Variants in PDGFRA observed in about 807,000 individuals in gnomAD.
PDGFRA encodes platelet-derived growth factor receptor alpha.
PDGFRA carries 25 observed loss-of-function variants against 121.5 expected under a neutral mutation model. The ratio of observed to expected loss-of-function variants is 0.21; its 90% CI spans 0.15 to 0.29. The LOEUF (loss-of-function observed/expected upper bound fraction) is 0.29. PDGFRA is among the 10% of genes least tolerant of loss of function. The probability of loss-of-function intolerance (pLI) is 1.00; values close to 1 mark genes in which losing one functional copy is unlikely to be tolerated. For missense variants in PDGFRA, 1,008 were observed against 1,345.1 expected (o/e 0.75, Z 3.92); for synonymous variants, 463 against 494.8 (o/e 0.94, Z 0.85).
In PDGFRA at chr4:54,296,121, A is replaced by G. The variant is rs1560497029; in HGVS notation, c.*849A>G. 1 of 232,898 alleles carries G rather than the reference A, an allele frequency of 4.3e-6. No homozygotes were observed. The highest frequency in any genetic ancestry group is 8.5e-6 in the Non-Finnish European group (1 of 117,608). The allele number at this position is 232,898 out of a possible 1,614,324, so 14.4% of individuals were successfully genotyped here. ...TAGTGAATTAAATTTAGTTGAGCAT[A>G]GAGAACAAAGTAAAAGTAGTGTTGT... On this transcript the variant is annotated 3_prime_UTR_variant, in exon 23 of 23. Transcript: ENST00000257290.
intron 22 of PDGFRA, among the ~76,000 whole-genome samples, chr4:54,293,443 T>TTC (rs1560494983): frequency 6.7e-6 from 1 of 148,526 alleles, no homozygotes; most frequent in Non-Finnish European, 1.5e-5. Flanking sequence ...TTTTTTTTTT[T>TTC]TTTTTGAGAT....
At chr4:54,248,555 A>G (rs960712468) in intron 1 of PDGFRA, among the ~76,000 whole-genome samples, 1 of 152,232 alleles carries the variant, frequency 6.6e-6, no homozygotes, top group Non-Finnish European at 1.5e-5. Context: ...CACCTTATAC[A>G]AAAATTAATT....
In PDGFRA at chr4:54,267,323, A is replaced by C. The variant is rs1723082425; in HGVS notation, c.794A>C (p.Lys265Thr). The C allele has an allele frequency of 6.2e-7, 1 of 1,614,088 alleles. No individual in the cohort carries two copies. Among genetic ancestry groups the C allele is most frequent in the Non-Finnish European group, 8.5e-7 (1 of 1,180,030 alleles). The change falls in exon 6 of 23, where the codon AAA (lysine) becomes ACA (threonine). Residue 265 changes from lysine to threonine, a missense_variant. Physicochemically the swap from Lys to Thr is moderately conservative, Grantham distance 78. Around this residue, in one of 5 missense-constraint regions of PDGFRA, gnomAD observed 575 missense variants for 701.8 expected, o/e 0.82. Coordinates refer to ENST00000257290, the MANE Select transcript of PDGFRA (RefSeq NM_006206.6). ...GGCATCACAATGCTGGAAGAAATCA[A>C]AGTCCCATCCATCAAATTGGTGTAC... is the stretch of plus-strand genomic sequence containing the variant. The part of the protein sequence containing the change: ...GKGITMLEEI[K>T]VPSIKLVYTL...
rs920811339 is a variant in PDGFRA at position 54,267,276 on chromosome 4, C to T, written c.760-13C>T. 1 of 1,613,768 alleles carries T rather than the reference C, an allele frequency of 6.2e-7. No homozygotes were observed. The highest frequency in any genetic ancestry group is 8.5e-7 in the Non-Finnish European group (1 of 1,179,886). Reference sequence around the variant, plus strand: ...GCTTTTTAAAAGTCGGTTTTCTTCCCCTTTTGCTGTAGAAAGGCAAAGGCA... The same window carrying T: ...GCTTTTTAAAAGTCGGTTTTCTTCCTCTTTTGCTGTAGAAAGGCAAAGGCA... On this transcript the variant is annotated splice_polypyrimidine_tract_variant and intron_variant, in intron 5 of 22. Coordinates refer to ENST00000257290, the MANE Select transcript of PDGFRA (RefSeq NM_006206.6).
Position 54,270,613 on chromosome 4 carries a change from C to CA in PDGFRA, c.1122-16dup, listed in dbSNP as rs2110279063. On this transcript the variant is annotated intron_variant, in intron 7 of 22. Coordinates refer to ENST00000257290, the MANE Select transcript of PDGFRA (RefSeq NM_006206.6). The stretch of plus-strand genomic sequence containing the variant: ...CTTACTTAGCTACTGCTTGTTGAAA[C>CA]AAAATCCTTTTTTTAAAAGGTATCG... 7.1e-7 allele frequency: 1 copy of CA among 1,414,580 alleles called. No homozygotes were observed. Among genetic ancestry groups the CA allele is most frequent in the Non-Finnish European group, 1.0e-6 (1 of 999,232 alleles). 87.6% of individuals were successfully genotyped at this position (1,414,580 alleles called of 1,614,324 possible). A position where few individuals can be genotyped will look rare whatever the true frequency, so the allele number is the denominator to read the frequency against.
chr4:54,242,701 C>A (rs993877906), intron 1 of PDGFRA, among the ~76,000 whole-genome samples: 3 of 151,846 alleles, frequency 2.0e-5, no homozygotes, highest in African/African-American at 7.3e-5. Context: ...AATTATTTCT[C>A]CATTCTGTCT....
rs1270507969 is a variant in PDGFRA, at chr4:54,297,298, A to G, written c.*2026A>G. The stretch of plus-strand genomic sequence containing the variant: ...CAGATGATGCTTTGGAAGATGCAGA[A>G]GCAATAATAAAGTACTTGACTACCT... On this transcript the variant is annotated 3_prime_UTR_variant, in exon 23 of 23. Coordinates refer to ENST00000257290, the MANE Select transcript of PDGFRA (RefSeq NM_006206.6). The G allele has an allele frequency of 8.6e-6, 2 of 233,636 alleles. No individual in the cohort carries two copies. The highest frequency in any genetic ancestry group is 4.4e-5 in the African/African-American group (2 of 45,352). 14.5% of individuals were successfully genotyped at this position (233,636 alleles called of 1,614,324 possible). A position where few individuals can be genotyped will look rare whatever the true frequency, so the allele number is the denominator to read the frequency against.
intron 1 of PDGFRA, among the ~76,000 whole-genome samples, chr4:54,236,568 C>G (rs893291323): frequency 1.3e-5 from 2 of 152,204 alleles, no homozygotes; most frequent in Non-Finnish European, 2.9e-5. Context: ...CTTTGGGAAG[C>G]CGACGTGGGT....
intron 1 of PDGFRA, among the ~76,000 whole-genome samples, chr4:54,237,124 A>G (rs1403843880): frequency 2.0e-5 from 3 of 152,066 alleles, no homozygotes; most frequent in Admixed American, 2.0e-4. Flanking sequence ...ACCTGCCGCC[A>G]TGCCTGGCTA....
At chr4:54,289,448 C>A (rs192935059) in intron 21 of PDGFRA, among the ~76,000 whole-genome samples, 1 of 152,274 alleles carries the variant, frequency 6.6e-6, no homozygotes, top group East Asian at 1.9e-4. Flanking sequence ...TAAATCCATG[C>A]GAAATTGGCT....
chr4:54,261,367 G>A lies in PDGFRA; in HGVS notation c.322G>A (p.Glu108Lys), dbSNP rs878854829. The change falls in exon 3 of 23, where the codon GAA becomes AAA. Residue 108 changes from glutamate (E) to lysine (K), a missense_variant. Coordinates refer to ENST00000257290, the MANE Select transcript of PDGFRA (RefSeq NM_006206.6). ...TTGCTATTACAACCACACTCAGACA[G>A]AAGAGAATGAGCTTGAAGGCAGGCA... ...YTCYYNHTQT[E>K]ENELEGRHIY... is the part of the protein sequence containing the mutation. 18 of 1,614,032 alleles carry A rather than the reference G, an allele frequency of 1.1e-5. No homozygotes were observed. The African/African-American group carries it at 2.1e-4, about 19-fold the overall frequency.
intron 12 of PDGFRA, among the ~76,000 whole-genome samples, chr4:54,276,528 C>T (rs1403896973): frequency 2.0e-5 from 3 of 152,206 alleles, no homozygotes; most frequent in Non-Finnish European, 2.9e-5. Context: ...TATTTTCCTG[C>T]CTATTTCCCA....
rs2110258139 is a variant in PDGFRA, at chr4:54,264,988, T to C, written c.698T>C (p.Val233Ala). The stretch of plus-strand genomic sequence containing the variant: ...TATAAGTCAGGGGAAACGATTGTGG[T>C]CACCTGTGCTGTTTTTAACAATGAG... ...TVYKSGETIV[V>A]TCAVFNNEVV... The change falls in exon 5 of 23, where the codon GTC becomes GCC. Residue 233 changes from valine to alanine, a missense_variant. Transcript: ENST00000257290. 6.2e-7 allele frequency: 1 copy of C among 1,613,426 alleles called. No homozygotes were observed. Among genetic ancestry groups the C allele is most frequent in the Non-Finnish European group, 8.5e-7 (1 of 1,179,404 alleles).
rs2110341037 is a variant in PDGFRA, at chr4:54,287,412, C to T, written c.2563-18C>T. ...AGTGAGTAGACATGGGTTTAACTGT[C>T]TCCCTCCTTCCTTGCAGACCTTTCT... On this transcript the variant is annotated intron_variant, in intron 18 of 22. Coordinates refer to ENST00000257290, the MANE Select transcript of PDGFRA (RefSeq NM_006206.6). 1.0e-6 allele frequency: 1 copy of T among 994,336 alleles called. No homozygotes were observed. Among genetic ancestry groups the T allele is most frequent in the Non-Finnish European group, 1.6e-6 (1 of 613,454 alleles). 61.6% of individuals were successfully genotyped at this position (994,336 alleles called of 1,614,324 possible). A position where few individuals can be genotyped will look rare whatever the true frequency, so the allele number is the denominator to read the frequency against.
In PDGFRA at chr4:54,261,281, G is replaced by A. The variant is rs36035373; in HGVS notation, c.236G>A (p.Gly79Asp). 19,830 of 1,614,138 alleles carry A rather than the reference G, an allele frequency of 0.012. 152 individuals carry two copies. Among genetic ancestry groups the A allele is most frequent in the Non-Finnish European group, 0.015 (17,292 of 1,180,008 alleles). The change falls in exon 3 of 23, where the codon GGC becomes GAC. Residue 79 changes from glycine (G) to aspartate (D), a missense_variant. Physicochemically the swap from Gly to Asp is moderately conservative, Grantham distance 94. Coordinates refer to ENST00000257290, the MANE Select transcript of PDGFRA (RefSeq NM_006206.6). ...ATCAGAAATGAAGAAAACAACAGCG[G>A]CCTTTTTGTGACGGTCTTGGAAGTG... is the stretch of plus-strand genomic sequence containing the variant. ...VEIRNEENNS[G>D]LFVTVLEVSS... is the part of the protein sequence containing the mutation.
At chr4:54,234,383 G>C (rs1217868281) in intron 1 of PDGFRA, among the ~76,000 whole-genome samples, 1 of 152,226 alleles carries the variant, frequency 6.6e-6, no homozygotes, top group Non-Finnish European at 1.5e-5. Context: ...TCGCAGCGGC[G>C]TCTGTGTCGC....
intron 1 of PDGFRA, among the ~76,000 whole-genome samples, chr4:54,254,431 G>A (rs1722237165): frequency 6.6e-6 from 1 of 152,184 alleles, no homozygotes; most frequent in Admixed American, 6.5e-5. Context: ...CACTTTATAT[G>A]TCAGTAAATA....
chr4:54,296,039 C>T lies in PDGFRA; in HGVS notation c.*767C>T, dbSNP rs567098515. On this transcript the variant is annotated 3_prime_UTR_variant, in exon 23 of 23. Coordinates refer to ENST00000257290, the MANE Select transcript of PDGFRA (RefSeq NM_006206.6). ...CTTACTAAGTAGGTGATGAGTTTGA[C>T]AGTTTTTGACATTTATATTAAATAA... 2 of 232,332 alleles carry T rather than the reference C, an allele frequency of 8.6e-6. No individual in the cohort carries two copies. Among genetic ancestry groups the T allele is most frequent in the African/African-American group, 4.4e-5 (2 of 45,400 alleles). The allele number at this position is 232,332 out of a possible 1,614,324, so 14.4% of individuals were successfully genotyped here.
chr4:54,244,855 A>G (rs190114293), intron 1 of PDGFRA, among the ~76,000 whole-genome samples: 210 of 152,322 alleles, frequency 1.4e-3, no homozygotes, highest in African/African-American at 4.9e-3. Flanking sequence ...AGAATAACCA[A>G]TACAGAGAAG....
Sources: allele counts gnomAD v4.1 joint callset (sites outside exome capture counted in the v4.1 genomes callset), GRCh38; gene constraint gnomAD v4.1.1; regional missense constraint gnomAD v4.1.1; transcripts MANE v1.5; gene names NCBI Gene and HGNC (gene_info 2026-07-23, HGNC 2026-07-21).